SUGCT: variants seen among roughly 807,000 people sequenced by gnomAD.
SUGCT encodes the protein succinyl-CoA:glutarate-CoA transferase, also known as succinyl-CoA:glutarate CoA-transferase.
A neutral mutation model predicts 55.0 loss-of-function variants in SUGCT; 41 were observed. The observed-to-expected ratio is 0.74, with a 90% CI of 0.58 to 0.97. SUGCT has a LOEUF of 0.97. Among genes scored for constraint, SUGCT ranks in the 50% least tolerant of loss-of-function variants. The probability of loss-of-function intolerance (pLI) is 0.00; values close to 1 mark genes in which losing one functional copy is unlikely to be tolerated. For synonymous variants in SUGCT, 187 were observed against 200.4 expected, an observed-to-expected ratio of 0.93 and a Z score of 0.56; for missense variants, 568 against 547.8, an observed-to-expected ratio of 1.04 and a Z score of -0.37.
chr7:40,860,227 A>G, intron 13 of SUGCT, 89 bp from the exon 14 acceptor site: 1 of 1,512,306 alleles, frequency 6.6e-7, no homozygotes, highest in East Asian at 2.3e-5. Flanking sequence ...TATTTTTGGC[A>G]TTCATGGAAA....
intron 13 of SUGCT, among the ~76,000 whole-genome samples, chr7:40,750,049 A>T (rs1307777619): frequency 6.6e-6 from 1 of 152,180 alleles, no homozygotes; most frequent in Non-Finnish European, 1.5e-5. Context: ...CTCACCAGAG[A>T]CTGCTGCCTA....
At chr7:40,432,520 T>C (rs1787947892) in intron 9 of SUGCT, among the ~76,000 whole-genome samples, 1 of 152,022 alleles carries the variant, frequency 6.6e-6, no homozygotes, top group South Asian at 2.1e-4. Context: ...ATCCCATCTC[T>C]ACTAAAAATA....
intron 13 of SUGCT, among the ~76,000 whole-genome samples, chr7:40,843,123 A>C (rs959013494): frequency 7.9e-5 from 12 of 152,224 alleles, no homozygotes; most frequent in Non-Finnish European, 2.9e-5. Flanking sequence ...ACAGATAAAG[A>C]ATGGTAGATG....
chr7:40,578,313 C>CAGT (rs1218585780), intron 12 of SUGCT, among the ~76,000 whole-genome samples: 1 of 152,180 alleles, frequency 6.6e-6, no homozygotes, highest in African/African-American at 2.4e-5. Context: ...ACACACTTGG[C>CAGT]AGTACATTGA....
the SUGCT span, among the ~76,000 whole-genome samples, chr7:40,914,800 C>T: frequency 6.6e-6 from 1 of 152,070 alleles, no homozygotes; most frequent in African/African-American, 2.4e-5. Context: ...CACATGCCTG[C>T]CTTTTGTGGC....
chr7:40,451,845 T>C (rs964759790), intron 10 of SUGCT, among the ~76,000 whole-genome samples: 1 of 152,234 alleles, frequency 6.6e-6, no homozygotes, highest in African/African-American at 2.4e-5. Context: ...CTAAGCATTT[T>C]TTTTTACTCA....
intron 3 of SUGCT, among the ~76,000 whole-genome samples, chr7:40,182,590 G>A (rs1785281731): frequency 6.6e-6 from 1 of 151,666 alleles, no homozygotes; most frequent in African/African-American, 2.4e-5. Context: ...GAAAAAAAAG[G>A]GACTGAGATG....
intron 11 of SUGCT, among the ~76,000 whole-genome samples, chr7:40,482,607 C>G (rs1791114302): frequency 6.6e-6 from 1 of 152,104 alleles, no homozygotes; most frequent in African/African-American, 2.4e-5. Flanking sequence ...TGAGGTGTGA[C>G]CAGACGTCGG....
At chr7:40,570,487 G>A (rs1455536005) in intron 12 of SUGCT, among the ~76,000 whole-genome samples, 1 of 151,328 alleles carries the variant, frequency 6.6e-6, no homozygotes, top group African/African-American at 2.5e-5. Context: ...GTGAGACAAG[G>A]AGAATGGAAC....
At chr7:40,233,101 A>AT (rs2150864331) in intron 6 of SUGCT, among the ~76,000 whole-genome samples, 1 of 152,164 alleles carries the variant, frequency 6.6e-6, no homozygotes, top group Admixed American at 6.5e-5. Context: ...AATTTTATTT[A>AT]TTTATTCTCA....
intron 9 of SUGCT, among the ~76,000 whole-genome samples, chr7:40,364,897 C>T (rs868108262): frequency 0.012 from 1,858 of 152,162 alleles, 35 homozygotes; most frequent in African/African-American, 0.041. Context: ...AGGGAATCCT[C>T]CCTAATTCAT....
At position 40,350,584 on chromosome 7, in the gene SUGCT, G is replaced by A. The variant is rs1583486014; in HGVS notation, c.816+33729G>A. 2.6e-5 allele frequency among the ~76,000 whole-genome samples: 4 copies of A among 151,496 alleles called. No individual in the cohort carries two copies. In the East Asian group the frequency reaches 7.7e-4, roughly 29 times the overall value. On this transcript the variant is annotated intron_variant, in intron 9 of 13. Coordinates refer to ENST00000335693, the MANE Select transcript of SUGCT (RefSeq NM_001193313.2). ...GACTTTAAGTGATCCACCCACCTTG[G>A]CCCCCCAAAATGTTGGGATTAGAGG...
At chr7:40,333,704 A>ATATATATATATATAT (rs1562689549) in intron 9 of SUGCT, among the ~76,000 whole-genome samples, 3 of 114,458 alleles carry the variant, frequency 2.6e-5, no homozygotes, top group South Asian at 5.2e-4. Context: ...TATATATATA[A>ATATATATATATATAT]ATATTTATAA....
At position 40,496,159 on chromosome 7, in the gene SUGCT, TG is replaced by T. The variant is rs964422388; in HGVS notation, c.987-124del. The stretch of plus-strand genomic sequence containing the variant: ...ACAGACAACCTTCTCTCAAATGAGG[TG>T]TAAAGAAAGACTAGGAAACATAGTT... On this transcript the variant is annotated intron_variant, in intron 11 of 13. Transcript: ENST00000335693. 8.1e-6 allele frequency: 5 copies of T among 618,844 alleles called. No individual in the cohort carries two copies. In the African/African-American group the frequency reaches 9.2e-5, roughly 11 times the overall value. 38.3% of individuals were successfully genotyped at this position (618,844 alleles called of 1,614,324 possible). A position where few individuals can be genotyped will look rare whatever the true frequency, so the allele number is the denominator to read the frequency against.
At chr7:40,153,363 TG>T in intron 1 of SUGCT, 1 of 360,630 alleles carries the variant, frequency 2.8e-6, no homozygotes, top group Non-Finnish European at 5.5e-6. Context: ...GAAGAGATTC[TG>T]GGGGTGATGT....
chr7:40,977,597 G>A, the SUGCT span, among the ~76,000 whole-genome samples: 3 of 152,148 alleles, frequency 2.0e-5, no homozygotes, highest in Non-Finnish European at 4.4e-5. Context: ...GAAGGGGTAT[G>A]AACAAGCTTA....
intron 11 of SUGCT, among the ~76,000 whole-genome samples, chr7:40,461,254 A>C (rs1225303521): frequency 1.3e-5 from 2 of 152,140 alleles, no homozygotes; most frequent in African/African-American, 4.8e-5. Context: ...AAGTCTCTTA[A>C]AATTTCTCAT....
intron 12 of SUGCT, among the ~76,000 whole-genome samples, chr7:40,642,776 T>C (rs1404372026): frequency 6.6e-6 from 1 of 152,222 alleles, no homozygotes; most frequent in Non-Finnish European, 1.5e-5. Flanking sequence ...TGATTCTGCA[T>C]GCAGTAGCCG....
rs569157746 is a variant in SUGCT at position 40,248,073 on chromosome 7, G to A, written c.576+10347G>A. ...GTTGCCCAGGCTGGAGTGCAGTGGC[G>A]TGATCTCGGCTCACTGTAACCTCTG... On this transcript the variant is annotated intron_variant, in intron 7 of 13. Transcript: ENST00000335693. 8.8e-5 allele frequency among the ~76,000 whole-genome samples: 13 copies of A among 148,428 alleles called. No individual in the cohort carries two copies. In the South Asian group the frequency reaches 1.3e-3, roughly 15 times the overall value.
Sources: gnomAD v4.1 joint callset for allele counts (sites outside exome capture counted in the v4.1 genomes callset) on GRCh38, gnomAD v4.1.1 for gene constraint, MANE v1.5 for transcripts, NCBI Gene and HGNC (gene_info 2026-07-23, HGNC 2026-07-21) for gene names.